DPP6: variants seen among roughly 807,000 people sequenced by gnomAD.
DPP6 encodes A-type potassium channel modulatory protein DPP6.
DPP6 carries 69 observed loss-of-function variants against 122.6 expected under a neutral mutation model. The observed-to-expected ratio is 0.56, with a 90% CI of 0.46 to 0.69. The LOEUF (loss-of-function observed/expected upper bound fraction) is 0.69. DPP6 is among the 30% of genes least tolerant of loss of function. The probability of loss-of-function intolerance (pLI) is 0.00; values close to 1 mark genes in which losing one functional copy is unlikely to be tolerated. For synonymous variants in DPP6, 418 were observed against 433.1 expected (o/e 0.97, Z 0.43); for missense variants, 928 against 1,116.9 (o/e 0.83, Z 2.41).
At chr7:153,909,085 G>A (rs1228125204) in intron 1 of DPP6, among the ~76,000 whole-genome samples, 2 of 152,094 alleles carry the variant, frequency 1.3e-5, no homozygotes, top group African/African-American at 4.8e-5. Context: ...TACATGTGTT[G>A]GTAAATAGCA....
chr7:154,809,236 T>C (rs1001106080), intron 16 of DPP6, among the ~76,000 whole-genome samples: 1 of 151,438 alleles, frequency 6.6e-6, no homozygotes, highest in African/African-American at 2.4e-5. Context: ...GTGGAGCAAA[T>C]ACAGGGTTTC....
chr7:154,839,838 G>A (rs530893092), intron 16 of DPP6, among the ~76,000 whole-genome samples: 55 of 152,196 alleles, frequency 3.6e-4, no homozygotes, highest in Middle Eastern at 3.4e-3. Context: ...TGTATTTCAC[G>A]TCAAGAGTTT....
intron 1 of DPP6, among the ~76,000 whole-genome samples, chr7:153,981,585 A>T (rs894931977): frequency 1.3e-5 from 2 of 152,184 alleles, no homozygotes; most frequent in African/African-American, 4.8e-5. Flanking sequence ...TCCTGTTGTT[A>T]TGATGGTAGC....
chr7:153,779,085 C>G, the DPP6 span, among the ~76,000 whole-genome samples: 1 of 147,438 alleles, frequency 6.8e-6, no homozygotes, highest in Non-Finnish European at 1.5e-5. Flanking sequence ...AATCAAAAAG[C>G]TATGAACTCT....
chr7:154,393,940 C>A (rs570869385), intron 1 of DPP6, among the ~76,000 whole-genome samples: 4 of 152,244 alleles, frequency 2.6e-5, no homozygotes, highest in Admixed American at 6.5e-5. Flanking sequence ...TAATATAAGT[C>A]CTCAAGGTGC....
At chr7:153,985,665 C>T (rs191863299) in intron 1 of DPP6, among the ~76,000 whole-genome samples, 13 of 152,294 alleles carry the variant, frequency 8.5e-5, no homozygotes, top group Admixed American at 6.5e-4. Context: ...GAAACATGAA[C>T]TCTCCATACT....
intron 1 of DPP6, among the ~76,000 whole-genome samples, chr7:154,016,399 ATT>A (rs201285127): frequency 2.1e-5 from 3 of 144,244 alleles, no homozygotes; most frequent in African/African-American, 2.6e-5. Flanking sequence ...AAGTAGGTTT[ATT>A]TTTTTTTTTT....
chr7:154,380,842 G>A (rs73167369), intron 1 of DPP6, among the ~76,000 whole-genome samples: 1,938 of 152,268 alleles, frequency 0.013, 16 homozygotes, highest in Non-Finnish European at 0.021. Context: ...TGTTTCCCCA[G>A]TTCTGGGCAC....
At chr7:154,546,298 T>G (rs1829184075) in intron 4 of DPP6, among the ~76,000 whole-genome samples, 1 of 152,112 alleles carries the variant, frequency 6.6e-6, no homozygotes, top group Non-Finnish European at 1.5e-5. Context: ...GGTGAGATTT[T>G]GTGTATTATT....
intron 1 of DPP6, among the ~76,000 whole-genome samples, chr7:154,395,602 T>C (rs904868630): frequency 3.3e-5 from 5 of 152,230 alleles, no homozygotes; most frequent in South Asian, 2.1e-4. Flanking sequence ...GCATGGACTT[T>C]GAAATTTTGC....
intron 18 of DPP6, among the ~76,000 whole-genome samples, chr7:154,869,557 C>G (rs534848702): frequency 2.8e-4 from 42 of 152,302 alleles, no homozygotes; most frequent in African/African-American, 9.1e-4. Context: ...CGTGAGGGGT[C>G]TTAGGCAAGG....
At chr7:154,358,597 G>C (rs1811466709) in intron 1 of DPP6, among the ~76,000 whole-genome samples, 1 of 152,186 alleles carries the variant, frequency 6.6e-6, no homozygotes, top group African/African-American at 2.4e-5. Flanking sequence ...GGACCTCTGG[G>C]AGAGTTGCAC....
At chr7:153,932,363 T>G (rs940611235) in intron 1 of DPP6, among the ~76,000 whole-genome samples, 1 of 152,092 alleles carries the variant, frequency 6.6e-6, no homozygotes, top group Non-Finnish European at 1.5e-5. Context: ...TCAGGTGATC[T>G]ACCCACTCCT....
At chr7:154,881,146 A>G in intron 21 of DPP6, 1 of 888,966 alleles carries the variant, frequency 1.1e-6, no homozygotes, top group Non-Finnish European at 1.5e-6. Context: ...TTCTTTTTAC[A>G]TTATCTGGAA....
rs569988522 is a variant in DPP6, at chr7:154,761,088, G to T, written c.884-8329G>T. On this transcript the variant is annotated intron_variant, in intron 8 of 25. Coordinates refer to ENST00000377770, the MANE Select transcript of DPP6 (RefSeq NM_130797.4). Reference sequence around the variant, plus strand: ...GACCTTAAGTGATCCACCCACCTTGGCCTCCCGAAGTGCTGAGATTATAGG... The same window carrying T: ...GACCTTAAGTGATCCACCCACCTTGTCCTCCCGAAGTGCTGAGATTATAGG... Among the ~76,000 whole-genome samples, 97 of 152,252 alleles carry T rather than the reference G, an allele frequency of 6.4e-4. 1 individual carries two copies. The highest frequency in any genetic ancestry group is 5.4e-3 in the South Asian group (26 of 4,820).
chr7:153,886,075 C>T (rs1041980937), upstream of DPP6, among the ~76,000 whole-genome samples: 1 of 151,660 alleles, frequency 6.6e-6, no homozygotes, highest in Non-Finnish European at 1.5e-5. Context: ...GACTCCAGCT[C>T]CCGCCATGCC....
chr7:154,762,179 G>A (rs948008019), intron 8 of DPP6, among the ~76,000 whole-genome samples: 4 of 152,156 alleles, frequency 2.6e-5, no homozygotes, highest in Non-Finnish European at 4.4e-5. Flanking sequence ...ACACACATCT[G>A]AACTATAACA....
At chr7:154,355,162 A>G (rs1336706257) in intron 1 of DPP6, among the ~76,000 whole-genome samples, 2 of 152,292 alleles carry the variant, frequency 1.3e-5, no homozygotes, top group Non-Finnish European at 2.9e-5. Flanking sequence ...TCAAGTACCT[A>G]TTCAAGTTTT....
intron 9 of DPP6, among the ~76,000 whole-genome samples, chr7:154,769,971 G>A (rs974621287): frequency 1.1e-4 from 17 of 152,120 alleles, no homozygotes; most frequent in Non-Finnish European, 1.8e-4. Flanking sequence ...AGGCTGTTTT[G>A]TTCATGGTCA....
Sources: allele counts gnomAD v4.1 joint callset (sites outside exome capture counted in the v4.1 genomes callset), GRCh38; gene constraint gnomAD v4.1.1; transcripts MANE v1.5; gene names NCBI Gene and HGNC (gene_info 2026-07-23, HGNC 2026-07-21).